Variants in SYNRG observed in about 807,000 individuals in gnomAD.
SYNRG encodes synergin gamma, also known as AP1 gamma subunit binding protein 1.
A neutral mutation model predicts 130.9 loss-of-function variants in SYNRG; 37 were observed. The ratio of observed to expected loss-of-function variants is 0.28; its 90% CI spans 0.22 to 0.37. The LOEUF is 0.37. SYNRG is among the 10% of genes least tolerant of loss of function. The pLI is 1.00. For synonymous variants in SYNRG, 539 were observed against 568.1 expected (o/e 0.95, Z 0.73); for missense variants, 1,338 against 1,588.9 (o/e 0.84, Z 2.68).
intron 6 of SYNRG, among the ~76,000 whole-genome samples, chr17:37,581,752 C>T (rs2061354582): frequency 6.7e-6 from 1 of 149,408 alleles, no homozygotes; most frequent in African/African-American, 2.5e-5. Context: ...ACTCCTGGCC[C>T]CACATTTTTT....
At chr17:37,542,926 A>G (rs1406352777) in intron 14 of SYNRG, among the ~76,000 whole-genome samples, 1 of 152,252 alleles carries the variant, frequency 6.6e-6, no homozygotes, top group Non-Finnish European at 1.5e-5. Context: ...TTCCTTGCCT[A>G]AAACATGTCT....
In SYNRG at chr17:37,542,572, G is replaced by A; in HGVS notation, c.2609-7C>T. 1.2e-6 allele frequency: 2 copies of A among 1,602,632 alleles called. No homozygotes were observed. The highest frequency in any genetic ancestry group is 8.5e-7 in the Non-Finnish European group (1 of 1,175,566). ...TATTTTAAGTCCTCTATATCTGAAA[G>A]GGAAATAAGACCCCACAATTAGAGG... On this transcript the variant is annotated splice_region_variant and splice_polypyrimidine_tract_variant and intron_variant, in intron 14 of 21. Coordinates refer to ENST00000612223, the MANE Select transcript of SYNRG (RefSeq NM_007247.6).
At chr17:37,564,561 GT>G (rs1393495526) in intron 11 of SYNRG, among the ~76,000 whole-genome samples, 11 of 152,280 alleles carry the variant, frequency 7.2e-5, no homozygotes, top group African/African-American at 2.4e-4. Context: ...CTTAACTAAT[GT>G]TATTTTCTCA....
intron 3 of SYNRG, among the ~76,000 whole-genome samples, chr17:37,592,134 C>A (rs752425947): frequency 6.6e-6 from 1 of 152,048 alleles, no homozygotes; most frequent in Non-Finnish European, 1.5e-5. Flanking sequence ...AGAAAATGGT[C>A]AGAAGCTATG....
At chr17:37,556,748 A>C (rs921791745) in intron 13 of SYNRG, among the ~76,000 whole-genome samples, 1 of 152,228 alleles carries the variant, frequency 6.6e-6, no homozygotes, top group Non-Finnish European at 1.5e-5. Flanking sequence ...CAGAAGATGT[A>C]AAACTTTTAA....
chr17:37,561,083 A>G, intron 13 of SYNRG, 112 bp downstream of exon 13: 2 of 878,978 alleles, frequency 2.3e-6, no homozygotes, highest in Non-Finnish European at 3.7e-6. Flanking sequence ...TCTCCTAAAC[A>G]CACAGACACA....
At chr17:37,592,675 G>C (rs2062305529) in intron 3 of SYNRG, among the ~76,000 whole-genome samples, 1 of 152,158 alleles carries the variant, frequency 6.6e-6, no homozygotes, top group Non-Finnish European at 1.5e-5. Context: ...AAACCCAAAA[G>C]GTTAATGATT....
chr17:37,606,469 A>G (rs2063759906), intron 1 of SYNRG, among the ~76,000 whole-genome samples: 2 of 152,306 alleles, frequency 1.3e-5, no homozygotes, highest in South Asian at 4.1e-4. Context: ...GAAGAACGTG[A>G]CCTCTTTGTT....
At chr17:37,591,212 AC>A (rs1219082137) in intron 3 of SYNRG, among the ~76,000 whole-genome samples, 1 of 152,188 alleles carries the variant, frequency 6.6e-6, no homozygotes, top group African/African-American at 2.4e-5. Flanking sequence ...CATTTAAAAA[AC>A]GCCATTATAA....
chr17:37,577,255 T>C (rs1477693803), intron 7 of SYNRG, 125 bp downstream of exon 7: 7 of 837,836 alleles, frequency 8.4e-6, no homozygotes, highest in Admixed American at 7.0e-5. Flanking sequence ...GCATTAAATA[T>C]ATTTCAAGCA....
intron 19 of SYNRG, 104 bp from the exon 20 acceptor site, chr17:37,520,752 TAC>T (rs1231607079): frequency 3.6e-6 from 3 of 833,988 alleles, no homozygotes; most frequent in Non-Finnish European, 6.0e-6. Context: ...GCAAGTACAG[TAC>T]TCTAACACCA....
At position 37,579,386 on chromosome 17, in the gene SYNRG, G is replaced by A. The variant is rs775806117; in HGVS notation, c.590-1773C>T. The stretch of plus-strand genomic sequence containing the variant: ...ACTGAATTCTTCTTCATCAAGAAAG[G>A]CAGGTGATGGGGAGACAGTTTTAGT... On this transcript the variant is annotated intron_variant, in intron 6 of 21. Transcript: ENST00000612223. 4.6e-6 allele frequency: 6 copies of A among 1,304,344 alleles called. No individual in the cohort carries two copies. In the South Asian group the frequency reaches 6.2e-5, roughly 13 times the overall value. 80.8% of individuals were successfully genotyped at this position (1,304,344 alleles called of 1,614,324 possible). A position where few individuals can be genotyped will look rare whatever the true frequency, so the allele number is the denominator to read the frequency against.
At position 37,520,518 on chromosome 17, in the gene SYNRG, A is replaced by T; in HGVS notation, c.3777+20T>A. 1 of 1,608,924 alleles carries T rather than the reference A, an allele frequency of 6.2e-7. No homozygotes were observed. Among genetic ancestry groups the T allele is most frequent in the East Asian group, 2.2e-5 (1 of 44,862 alleles). On this transcript the variant is annotated intron_variant, in intron 20 of 21. Coordinates refer to ENST00000612223, the MANE Select transcript of SYNRG (RefSeq NM_007247.6). ...GTTAGGGAAGCCCTTTGCTGTCTGC[A>T]AGGAGGCTGCGTGACTTACCCGGCT... is the stretch of plus-strand genomic sequence containing the variant.
chr17:37,565,129 T>C (rs1452458559), intron 11 of SYNRG, among the ~76,000 whole-genome samples: 3 of 152,088 alleles, frequency 2.0e-5, no homozygotes, highest in African/African-American at 7.2e-5. Context: ...CTGGGTGTAG[T>C]GGCGCGTGCC....
At chr17:37,579,199 TAAGGCAA>T in intron 6 of SYNRG, 1 of 1,233,414 alleles carries the variant, frequency 8.1e-7, no homozygotes, top group Non-Finnish European at 1.0e-6. Context: ...GGACGCCATG[TAAGGCAA>T]AAGGCACTGG....
At chr17:37,577,248 T>C (rs2060908897) in intron 7 of SYNRG, 132 bp downstream of exon 7, 1 of 767,708 alleles carries the variant, frequency 1.3e-6, no homozygotes, top group African/African-American at 1.7e-5. Context: ...AAGGAATGCA[T>C]TAAATATATT....
Position 37,602,819 on chromosome 17 carries a change from T to G in SYNRG, c.78-2416A>C, listed in dbSNP as rs896316907. Among the ~76,000 whole-genome samples, 14 of 151,064 alleles carry G rather than the reference T, an allele frequency of 9.3e-5. No homozygotes were observed. The East Asian group carries it at 2.7e-3, about 29-fold the overall frequency. ...CAGGCGGATCACTTGAGGCCAGGAGTTCAAGACCAGCCTGGTCAACATGAC... is the reference window on the plus strand; with the variant it reads ...CAGGCGGATCACTTGAGGCCAGGAGGTCAAGACCAGCCTGGTCAACATGAC... On this transcript the variant is annotated intron_variant, in intron 1 of 21. Transcript: ENST00000612223.
At position 37,538,414 on chromosome 17, in the gene SYNRG, T is replaced by C; in HGVS notation, c.3427A>G (p.Lys1143Glu). 2 of 1,604,374 alleles carry C rather than the reference T, an allele frequency of 1.2e-6. No homozygotes were observed. Among genetic ancestry groups the C allele is most frequent in the Non-Finnish European group, 1.7e-6 (2 of 1,175,978 alleles). The change falls in exon 18 of 22, where the codon AAG becomes GAG. Residue 1143 changes from lysine (K) to glutamate (E), a missense_variant. Lys to Glu is a moderately conservative substitution (Grantham distance 56). Around this residue, in one of 3 missense-constraint regions of SYNRG, gnomAD observed 1,146 missense variants for 1,342.3 expected, o/e 0.85. Transcript: ENST00000612223. ...RCLGSALNVI[K>E]KANDTLNGIS... Reference sequence around the variant, plus strand: ...CCATTTAAGGTATCATTTGCCTTCTTAATGACCTACAAGAAATGAAATCAC... The same window carrying C: ...CCATTTAAGGTATCATTTGCCTTCTCAATGACCTACAAGAAATGAAATCAC...
intron 13 of SYNRG, 24 bp from the exon 14 acceptor site, chr17:37,554,083 C>T (rs781754055): frequency 7.6e-6 from 12 of 1,579,048 alleles, no homozygotes; most frequent in Non-Finnish European, 1.0e-5. Context: ...TACCACCAAA[C>T]AAATGGGAAT....
Sources: gnomAD v4.1 joint callset for allele counts (sites outside exome capture counted in the v4.1 genomes callset) on GRCh38, gnomAD v4.1.1 for gene constraint, gnomAD v4.1.1 regional missense constraint, MANE v1.5 for transcripts, NCBI Gene and HGNC (gene_info 2026-07-23, HGNC 2026-07-21) for gene names.